The following CSMD1 variants were observed in gnomAD, a reference collection of about 807,000 sequenced individuals.
CSMD1 encodes CUB and Sushi multiple domains 1, also known as CUB and sushi domain-containing protein 1.
A neutral mutation model predicts 417.5 loss-of-function variants in CSMD1; 213 were observed. The observed-to-expected ratio is 0.51, with a 90% CI of 0.46 to 0.57. The LOEUF (loss-of-function observed/expected upper bound fraction) is 0.57. CSMD1 is among the 20% of genes least tolerant of loss of function. The pLI, the probability that CSMD1 is intolerant of heterozygous loss-of-function variation, is 0.00. For synonymous variants in CSMD1, 2,862 were observed against 1,736.8 expected (o/e 1.65, Z -16.11); for missense variants, 6,923 against 4,529.7 (o/e 1.53, Z -15.17).
chr8:3,894,973 T>G (rs1038296227), intron 5 of CSMD1, among the ~76,000 whole-genome samples: 9 of 151,892 alleles, frequency 5.9e-5, no homozygotes, highest in African/African-American at 1.7e-4. Flanking sequence ...ATTAGAAGAG[T>G]CAATCATGAA....
At chr8:3,317,077 T>C (rs955294866) in intron 23 of CSMD1, among the ~76,000 whole-genome samples, 8 of 152,016 alleles carry the variant, frequency 5.3e-5, no homozygotes, top group African/African-American at 1.4e-4. Context: ...CAGTAGATGA[T>C]AGATGGGGTC....
intron 12 of CSMD1, among the ~76,000 whole-genome samples, chr8:3,466,533 C>T (rs375880578): frequency 1.3e-5 from 2 of 151,550 alleles, no homozygotes; most frequent in Admixed American, 1.3e-4. Context: ...CCCCAGCCTC[C>T]TGTGTATCTG....
chr8:4,366,913 T>A (rs1326378117), intron 3 of CSMD1, among the ~76,000 whole-genome samples: 1 of 152,046 alleles, frequency 6.6e-6, no homozygotes, highest in Admixed American at 6.6e-5. Context: ...GTTTGCTGAT[T>A]TGTCTAAGTT....
intron 2 of CSMD1, among the ~76,000 whole-genome samples, chr8:4,599,411 T>C (rs1161389619): frequency 6.6e-6 from 1 of 151,882 alleles, no homozygotes. Context: ...AGGAGGAAAA[T>C]TTTTGATAAT....
intron 18 of CSMD1, among the ~76,000 whole-genome samples, chr8:3,384,725 TTATA>T (rs1207634727): frequency 1.3e-5 from 1 of 74,354 alleles, no homozygotes; most frequent in East Asian, 2.9e-4. Flanking sequence ...TTTATAATAT[TTATA>T]TATATTATAT....
chr8:4,799,198 G>C (rs1001262946), intron 1 of CSMD1, among the ~76,000 whole-genome samples: 6 of 152,178 alleles, frequency 3.9e-5, no homozygotes. Flanking sequence ...AAGGGAATAA[G>C]AAAAAATGTT....
At chr8:3,691,252 C>A (rs1800224290) in intron 7 of CSMD1, among the ~76,000 whole-genome samples, 1 of 151,998 alleles carries the variant, frequency 6.6e-6, no homozygotes, top group Non-Finnish European at 1.5e-5. Flanking sequence ...CCTGTAATCC[C>A]AGCTACTCAG....
chr8:4,112,263 G>C (rs981754697), intron 3 of CSMD1, among the ~76,000 whole-genome samples: 1 of 152,100 alleles, frequency 6.6e-6, no homozygotes, highest in Non-Finnish European at 1.5e-5. Context: ...AGGCATCAAT[G>C]AATGTCTCTG....
At chr8:4,158,200 A>G (rs1796944736) in intron 3 of CSMD1, among the ~76,000 whole-genome samples, 1 of 151,720 alleles carries the variant, frequency 6.6e-6, no homozygotes, top group Non-Finnish European at 1.5e-5. Flanking sequence ...CTAAGCCCAG[A>G]CATACTTATT....
intron 49 of CSMD1, among the ~76,000 whole-genome samples, chr8:3,069,561 C>A (rs766964458): frequency 6.6e-6 from 1 of 152,200 alleles, no homozygotes; most frequent in African/African-American, 2.4e-5. Flanking sequence ...ACATCCAGGG[C>A]ACACCACTAC....
chr8:3,857,015 G>A (rs1344567864), intron 5 of CSMD1, among the ~76,000 whole-genome samples: 1 of 152,044 alleles, frequency 6.6e-6, no homozygotes, highest in African/African-American at 2.4e-5. Context: ...TAATGGCATG[G>A]CAATGATTAG....
intron 26 of CSMD1, among the ~76,000 whole-genome samples, chr8:3,271,955 T>G (rs537657320): frequency 2.0e-5 from 3 of 152,164 alleles, no homozygotes; most frequent in African/African-American, 4.8e-5. Context: ...TTTGTCAATT[T>G]TGGCTTTTGT....
At chr8:3,823,923 T>G (rs1235458916) in intron 5 of CSMD1, among the ~76,000 whole-genome samples, 1 of 152,186 alleles carries the variant, frequency 6.6e-6, no homozygotes, top group Non-Finnish European at 1.5e-5. Context: ...AATTCTACCT[T>G]TACATCTCTG....
rs577524175 is a variant in CSMD1, at chr8:4,681,959, G to C, written c.86-44401C>G. Among the ~76,000 whole-genome samples the C allele has an allele frequency of 2.6e-5, 4 of 152,220 alleles. No homozygotes were observed. In the East Asian group the frequency reaches 5.8e-4, roughly 22 times the overall value. Reference sequence around the variant, plus strand: ...GTTGATTTATTTTCTTTGCTTTCTTGTGTTTCTGTGGAAAGCGTTATTAAT... The same window carrying C: ...GTTGATTTATTTTCTTTGCTTTCTTCTGTTTCTGTGGAAAGCGTTATTAAT... On this transcript the variant is annotated intron_variant, in intron 1 of 69. Transcript: ENST00000635120.
chr8:4,074,796 G>A (rs1185466292), intron 3 of CSMD1, among the ~76,000 whole-genome samples: 3 of 151,922 alleles, frequency 2.0e-5, no homozygotes, highest in East Asian at 1.9e-4. Context: ...AGTTATGACT[G>A]TGGTACATAA....
chr8:3,677,875 C>T (rs1799459852), intron 7 of CSMD1, among the ~76,000 whole-genome samples: 1 of 152,116 alleles, frequency 6.6e-6, no homozygotes, highest in Non-Finnish European at 1.5e-5. Context: ...GCCATTTCAG[C>T]CCTTTTTTTC....
At chr8:4,933,887 T>C (rs1419493419) in intron 1 of CSMD1, among the ~76,000 whole-genome samples, 1 of 152,216 alleles carries the variant, frequency 6.6e-6, no homozygotes, top group Admixed American at 6.5e-5. Flanking sequence ...AAGCATCATT[T>C]CAAGTAGGGT....
At chr8:2,985,938 AGGGAAGGGGAAGGGGAAG>A (rs747304622) in intron 54 of CSMD1, among the ~76,000 whole-genome samples, 2 of 101,760 alleles carry the variant, frequency 2.0e-5, no homozygotes, top group East Asian at 6.7e-4. Flanking sequence ...AGGGGAGGGA[AGGGAAGGGGAAGGGGAAG>A]GGGAAGGGGA....
chr8:4,151,650 CATT>C (rs1009329419), intron 3 of CSMD1, among the ~76,000 whole-genome samples: 1 of 152,014 alleles, frequency 6.6e-6, no homozygotes, highest in Non-Finnish European at 1.5e-5. Context: ...TCTGTGGCAT[CATT>C]ATTATTATGT....
Sources: allele counts gnomAD v4.1 joint callset (sites outside exome capture counted in the v4.1 genomes callset), GRCh38; gene constraint gnomAD v4.1.1; transcripts MANE v1.5; gene names NCBI Gene and HGNC (gene_info 2026-07-23, HGNC 2026-07-21).